PKIB: variants seen among roughly 807,000 people sequenced by gnomAD.
PKIB encodes cAMP-dependent protein kinase inhibitor beta, also known as PKI-beta.
Under a neutral mutation model 4.5 loss-of-function variants are expected in PKIB, and 2 were observed. The observed-to-expected ratio is 0.44, with a 90% CI of 0.18 to 1.39. The LOEUF (loss-of-function observed/expected upper bound fraction) is 1.39, where lower values mean the gene tolerates loss of function less well. Among genes scored for constraint, PKIB ranks in the 40% most tolerant of loss-of-function variants. The pLI is 0.27. For missense variants in PKIB, 94 were observed against 92.6 expected (o/e 1.02, Z -0.06); for synonymous variants, 38 against 36.0 (o/e 1.06, Z -0.20).
At chr6:122,700,691 A>C (rs1224381782) in intron 3 of PKIB, among the ~76,000 whole-genome samples, 1 of 152,184 alleles carries the variant, frequency 6.6e-6, no homozygotes, top group African/African-American at 2.4e-5. Context: ...CTTTCTCTGC[A>C]CAAATTCCCT....
intron 3 of PKIB, chr6:122,701,351 A>C (rs4382328): frequency 3.2e-5 from 34 of 1,047,300 alleles, no homozygotes; most frequent in Non-Finnish European, 3.8e-5. Flanking sequence ...CAGGCTAGAC[A>C]TGGTGATCAG....
At chr6:122,578,818 G>T (rs141533333) in intron 2 of PKIB, among the ~76,000 whole-genome samples, 1 of 152,124 alleles carries the variant, frequency 6.6e-6, no homozygotes, top group South Asian at 2.1e-4. Flanking sequence ...GAAGGTAAAC[G>T]AATCATGGGG....
chr6:122,714,959 T>TTTTTG (rs1779420999), intron 3 of PKIB, among the ~76,000 whole-genome samples: 1 of 151,930 alleles, frequency 6.6e-6, no homozygotes. Flanking sequence ...TATTTTTTTT[T>TTTTTG]ATTTTTTAGT....
At chr6:122,701,383 G>A (rs1166183947) in intron 3 of PKIB, 2 of 1,429,802 alleles carry the variant, frequency 1.4e-6, no homozygotes, top group East Asian at 5.0e-5. Context: ...CTGAGCTCTG[G>A]TAAGCAGGAA....
intron 3 of PKIB, among the ~76,000 whole-genome samples, chr6:122,695,965 C>G (rs1778554112): frequency 6.6e-6 from 1 of 152,040 alleles, no homozygotes; most frequent in South Asian, 2.1e-4. Flanking sequence ...AGCTAAGGGC[C>G]CAATTAAGAG....
At chr6:122,713,730 C>A (rs1779362635) in intron 3 of PKIB, among the ~76,000 whole-genome samples, 2 of 152,136 alleles carry the variant, frequency 1.3e-5, no homozygotes, top group East Asian at 1.9e-4. Flanking sequence ...TTTTTCAATT[C>A]TTTTAAATTA....
intron 3 of PKIB, among the ~76,000 whole-genome samples, chr6:122,689,987 A>C (rs1334308471): frequency 6.6e-6 from 1 of 151,486 alleles, no homozygotes; most frequent in East Asian, 1.9e-4. Flanking sequence ...TGCTTAATAG[A>C]CCCCTTTATC....
intron 2 of PKIB, among the ~76,000 whole-genome samples, chr6:122,656,263 C>A (rs1222854046): frequency 1.3e-5 from 2 of 152,038 alleles, no homozygotes; most frequent in African/African-American, 4.8e-5. Flanking sequence ...GTAGACATAT[C>A]GTGAAAGTTC....
At chr6:122,485,946 A>G (rs562283803) in intron 2 of PKIB, among the ~76,000 whole-genome samples, 1 of 152,310 alleles carries the variant, frequency 6.6e-6, no homozygotes, top group Non-Finnish European at 1.5e-5. Context: ...AATTTACAAC[A>G]TATGTCTTTT....
chr6:122,544,678 AG>A (rs1772433705), intron 2 of PKIB, among the ~76,000 whole-genome samples: 1 of 152,096 alleles, frequency 6.6e-6, no homozygotes, highest in Admixed American at 6.6e-5. Flanking sequence ...GCCAAGTAGA[AG>A]AAAAATTATC....
intron 2 of PKIB, among the ~76,000 whole-genome samples, chr6:122,569,085 C>G (rs1380565754): frequency 6.6e-6 from 1 of 152,190 alleles, no homozygotes; most frequent in Non-Finnish European, 1.5e-5. Flanking sequence ...GCCTGAAACC[C>G]TCTCCTTGAC....
At chr6:122,556,216 G>A (rs1772835952) in intron 2 of PKIB, among the ~76,000 whole-genome samples, 1 of 152,126 alleles carries the variant, frequency 6.6e-6, no homozygotes, top group Non-Finnish European at 1.5e-5. Flanking sequence ...ATGTGAAGAA[G>A]GACGTGTTTT....
intron 2 of PKIB, among the ~76,000 whole-genome samples, chr6:122,646,496 A>G (rs1305511076): frequency 6.6e-6 from 1 of 152,242 alleles, no homozygotes; most frequent in Non-Finnish European, 1.5e-5. Context: ...AAATCTAAGC[A>G]TTCTCATGCT....
chr6:122,535,504 A>T (rs552603740), intron 2 of PKIB, among the ~76,000 whole-genome samples: 2 of 152,158 alleles, frequency 1.3e-5, no homozygotes, highest in Non-Finnish European at 2.9e-5. Flanking sequence ...CTGTTGTCCT[A>T]TGCTGCCATG....
chr6:122,495,199 C>T (rs1181517591), intron 2 of PKIB, among the ~76,000 whole-genome samples: 1 of 152,190 alleles, frequency 6.6e-6, no homozygotes, highest in African/African-American at 2.4e-5. Flanking sequence ...CAAGGTTTAG[C>T]ACCTCTGCAT....
rs184400544 is a variant in PKIB, at chr6:122,581,420, A to C, written c.-247-4501A>C. Among the ~76,000 whole-genome samples, 77 of 152,232 alleles carry C rather than the reference A, an allele frequency of 5.1e-4. 1 individual carries two copies. In the East Asian group the frequency reaches 0.012, roughly 24 times the overall value. On this transcript the variant is annotated intron_variant, in intron 2 of 6. Coordinates refer to the PKIB transcript ENST00000392491. ...TTGTTAGTTATTATTAAAACTAGGC[A>C]TTGTTAAGCATGAAAAGCTGAAAAG...
chr6:122,659,681 C>T (rs1171715519), intron 2 of PKIB, among the ~76,000 whole-genome samples: 1 of 152,028 alleles, frequency 6.6e-6, no homozygotes, highest in Non-Finnish European at 1.5e-5. Flanking sequence ...GGTACAAGTG[C>T]AGGTTGAAAC....
chr6:122,592,311 A>G (rs1334246772), intron 3 of PKIB, among the ~76,000 whole-genome samples: 1 of 152,210 alleles, frequency 6.6e-6, no homozygotes, highest in Admixed American at 6.6e-5. Flanking sequence ...ACTGACTAGC[A>G]TACTTTCTGG....
At chr6:122,563,778 A>G (rs369687423) in intron 2 of PKIB, among the ~76,000 whole-genome samples, 12 of 152,202 alleles carry the variant, frequency 7.9e-5, no homozygotes, top group African/African-American at 2.4e-4. Context: ...CCCAGCTCCC[A>G]TGCAAACCGA....
Sources: gnomAD v4.1 joint callset for allele counts (sites outside exome capture counted in the v4.1 genomes callset) on GRCh38, gnomAD v4.1.1 for gene constraint, MANE v1.5 for transcripts, NCBI Gene and HGNC (gene_info 2026-07-23, HGNC 2026-07-21) for gene names.